CUL3: variants seen among roughly 807,000 people sequenced by gnomAD.
The protein encoded by CUL3 is cullin 3.
A neutral mutation model predicts 89.1 loss-of-function variants in CUL3; 19 were observed. The ratio of observed to expected loss-of-function variants is 0.21; its 90% CI spans 0.15 to 0.31. The LOEUF is 0.31. Ranked by LOEUF, CUL3 falls within the 10% of genes least tolerant of loss-of-function variation. The pLI, the probability that CUL3 is intolerant of heterozygous loss-of-function variation, is 1.00. For missense variants in CUL3, 469 were observed against 942.3 expected, an observed-to-expected ratio of 0.50 and a Z score of 6.58; for synonymous variants, 351 against 308.4, an observed-to-expected ratio of 1.14 and a Z score of -1.45.
intron 12 of CUL3, among the ~76,000 whole-genome samples, chr2:224,496,808 CAT>C (rs1692186064): frequency 6.6e-6 from 1 of 151,954 alleles, no homozygotes; most frequent in African/African-American, 2.4e-5. Context: ...TTAACATATG[CAT>C]ATGTTTTAAA....
intron 2 of CUL3, among the ~76,000 whole-genome samples, chr2:224,543,988 CAA>C (rs1326396208): frequency 7.1e-6 from 1 of 141,376 alleles, no homozygotes. Context: ...CCTCCCATTT[CAA>C]AAAAAAAAAG....
At chr2:224,505,855 G>C in intron 8 of CUL3, 101 bp downstream of exon 8, 1 of 740,128 alleles carries the variant, frequency 1.4e-6, no homozygotes, top group Non-Finnish European at 2.0e-6. Context: ...GCACAGCAAT[G>C]GGTCATGCTT....
chr2:224,576,407 C>G (rs761192765), intron 1 of CUL3, among the ~76,000 whole-genome samples: 3 of 152,138 alleles, frequency 2.0e-5, no homozygotes, highest in Non-Finnish European at 2.9e-5. Context: ...AGGCTGACTA[C>G]CCTGCTACAT....
chr2:224,578,409 T>TC (rs1695359440), intron 1 of CUL3, among the ~76,000 whole-genome samples: 1 of 152,158 alleles, frequency 6.6e-6, no homozygotes, highest in African/African-American at 2.4e-5. Context: ...AAATTAAAAT[T>TC]CCAAAAACAC....
intron 3 of CUL3, among the ~76,000 whole-genome samples, chr2:224,516,318 C>CTTTTTTTTTTTT (rs68130414): frequency 1.5e-5 from 2 of 133,444 alleles, no homozygotes; most frequent in Non-Finnish European, 1.6e-5. Flanking sequence ...TTTTTGTTTG[C>CTTTTTTTTTTTT]TTTTTTTTTT....
chr2:224,477,166 A>G (rs1019869431), intron 15 of CUL3, among the ~76,000 whole-genome samples: 1 of 152,164 alleles, frequency 6.6e-6, no homozygotes, highest in African/African-American at 2.4e-5. Context: ...GTGTTCTCAA[A>G]TTTGAAAAAA....
At chr2:224,576,919 T>C (rs1465886609) in intron 1 of CUL3, among the ~76,000 whole-genome samples, 1 of 152,216 alleles carries the variant, frequency 6.6e-6, no homozygotes, top group African/African-American at 2.4e-5. Context: ...ACAGGATTCT[T>C]TAAGTATCCC....
chr2:224,482,745 C>T (rs557970776), intron 13 of CUL3, among the ~76,000 whole-genome samples: 31 of 152,268 alleles, frequency 2.0e-4, no homozygotes, highest in African/African-American at 7.0e-4. Flanking sequence ...GGAAAGAATG[C>T]TGTGTAATTT....
chr2:224,483,838 A>C (rs1001160395), intron 13 of CUL3, among the ~76,000 whole-genome samples: 4 of 152,168 alleles, frequency 2.6e-5, no homozygotes, highest in African/African-American at 9.7e-5. Flanking sequence ...TGAGCACGAA[A>C]GCCTGTTTTT....
At chr2:224,545,100 A>C (rs896587859) in intron 2 of CUL3, among the ~76,000 whole-genome samples, 1 of 152,154 alleles carries the variant, frequency 6.6e-6, no homozygotes, top group African/African-American at 2.4e-5. Flanking sequence ...GTTATAATAC[A>C]TATAGCAATC....
chr2:224,507,013 A>G lies in CUL3; in HGVS notation c.884-10T>C, dbSNP rs1692626594. The G allele has an allele frequency of 2.5e-6, 4 of 1,606,440 alleles. No homozygotes were observed. The highest frequency in any genetic ancestry group is 3.4e-6 in the Non-Finnish European group (4 of 1,177,390). On this transcript the variant is annotated splice_polypyrimidine_tract_variant and intron_variant, in intron 6 of 15. Coordinates refer to ENST00000264414, the MANE Select transcript of CUL3 (RefSeq NM_003590.5). The stretch of plus-strand genomic sequence containing the variant: ...TACATGCAACCAAGGTCTACAAATC[A>G]GAAAACACAAATTGGCTACATTAAA...
intron 14 of CUL3, chr2:224,479,610 A>G (rs1388473232): frequency 2.6e-5 from 4 of 152,160 alleles, no homozygotes; most frequent in Non-Finnish European, 4.4e-5. Flanking sequence ...ATTTTCTTGG[A>G]TATGATATAG....
intron 1 of CUL3, among the ~76,000 whole-genome samples, chr2:224,569,004 C>T (rs564930013): frequency 5.3e-5 from 8 of 152,310 alleles, no homozygotes; most frequent in African/African-American, 1.7e-4. Flanking sequence ...GTTCAACTCT[C>T]ACCTCATCAA....
intron 10 of CUL3, among the ~76,000 whole-genome samples, chr2:224,501,606 C>T (rs932040781): frequency 6.6e-6 from 1 of 152,136 alleles, no homozygotes; most frequent in African/African-American, 2.4e-5. Context: ...TTCTACACTC[C>T]GATTTCTTCA....
Position 224,513,548 on chromosome 2 carries a change from CA to C in CUL3, c.629del (p.Leu210TrpfsTer16). On this transcript the variant is annotated frameshift_variant, in exon 5 of 16. Coordinates refer to ENST00000264414, the MANE Select transcript of CUL3 (RefSeq NM_003590.5). LOFTEE classifies it high-confidence loss of function. ...VYEEDFEAPF[L>X]EMSAEFFQME... Reference sequence around the variant, plus strand: ...CCTGAAAAAATTCTGCAGACATTTCCAAAAAAGGAGCCTCAAAATCTTCTTC... The same window carrying C: ...CCTGAAAAAATTCTGCAGACATTTCCAAAAAGGAGCCTCAAAATCTTCTTC... The C allele has an allele frequency of 3.1e-6, 5 of 1,595,184 alleles. No homozygotes were observed. Among genetic ancestry groups the C allele is most frequent in the Admixed American group, 3.6e-5 (2 of 55,152 alleles).
rs1692346574 is a variant in CUL3 at position 224,500,616 on chromosome 2, GATTTT to G, written c.1486-134_1486-130del. 4 of 641,740 alleles carry G rather than the reference GATTTT, an allele frequency of 6.2e-6. No individual in the cohort carries two copies. In the South Asian group the frequency reaches 1.5e-4, roughly 25 times the overall value. 39.8% of individuals were successfully genotyped at this position (641,740 alleles called of 1,614,324 possible). A position where few individuals can be genotyped will look rare whatever the true frequency, so the allele number is the denominator to read the frequency against. On this transcript the variant is annotated intron_variant, in intron 10 of 15. Coordinates refer to ENST00000264414, the MANE Select transcript of CUL3 (RefSeq NM_003590.5). ...CTAATATCTAATTTAAAAAAAAGCAGATTTTCTTTTCTTTTTTTTTTTTTTTTTGA... is the reference window on the plus strand; with the variant it reads ...CTAATATCTAATTTAAAAAAAAGCAGCTTTTCTTTTTTTTTTTTTTTTTGA...
chr2:224,489,060 AC>A (rs1278176313), intron 13 of CUL3, among the ~76,000 whole-genome samples: 2 of 152,134 alleles, frequency 1.3e-5, no homozygotes, highest in Non-Finnish European at 2.9e-5. Flanking sequence ...AAAATTCAAC[AC>A]CCCTTGCTGC....
chr2:224,514,954 T>C (rs371478624), intron 3 of CUL3, among the ~76,000 whole-genome samples, 182 bp from the exon 4 acceptor site: 50 of 152,198 alleles, frequency 3.3e-4, no homozygotes, highest in Middle Eastern at 3.4e-3. Context: ...TAAAGTTAAG[T>C]TTTTACAATT....
At chr2:224,552,150 A>G (rs952621027) in intron 2 of CUL3, among the ~76,000 whole-genome samples, 4 of 152,222 alleles carry the variant, frequency 2.6e-5, no homozygotes. Flanking sequence ...TACCTTTGAC[A>G]CTTTGACAAA....
Sources: allele counts gnomAD v4.1 joint callset (sites outside exome capture counted in the v4.1 genomes callset), GRCh38; gene constraint gnomAD v4.1.1; transcripts MANE v1.5; gene names NCBI Gene and HGNC (gene_info 2026-07-23, HGNC 2026-07-21).